Variants in NAA11 observed in about 807,000 individuals in gnomAD.
NAA11 encodes N-alpha-acetyltransferase 11, NatA catalytic subunit.
Under a neutral mutation model 16.1 loss-of-function variants are expected in NAA11, and 15 were observed. The ratio of observed to expected loss-of-function variants is 0.93; its 90% CI spans 0.62 to 1.44. The LOEUF is 1.44. Ranked by LOEUF, NAA11 falls within the 40% of genes most tolerant of loss-of-function variation. NAA11 has a pLI of 0.00. For missense variants in NAA11, 298 were observed against 291.3 expected (o/e 1.02, Z -0.17); for synonymous variants, 122 against 112.4 (o/e 1.09, Z -0.54).
the NAA11 span, among the ~76,000 whole-genome samples, chr4:79,215,558 A>C: frequency 6.6e-6 from 1 of 152,338 alleles, no homozygotes; most frequent in Middle Eastern, 3.4e-3. Flanking sequence ...ACCATGAAAA[A>C]GTAAGACTCT....
chr4:79,254,663 TTTTTC>T (rs1722065995), intron 2 of NAA11, among the ~76,000 whole-genome samples: 1 of 150,780 alleles, frequency 6.6e-6, no homozygotes, highest in Non-Finnish European at 1.5e-5. Flanking sequence ...TTTTTTTACT[TTTTTC>T]TTTTAGTTAA....
At chr4:79,320,912 T>C (rs1724069988) in intron 1 of NAA11, among the ~76,000 whole-genome samples, 1 of 152,250 alleles carries the variant, frequency 6.6e-6, no homozygotes, top group Non-Finnish European at 1.5e-5. Context: ...CTGTTCTTTC[T>C]TTCTTCACTG....
chr4:79,177,045 A>C, the NAA11 span, among the ~76,000 whole-genome samples: 1 of 152,164 alleles, frequency 6.6e-6, no homozygotes, highest in Non-Finnish European at 1.5e-5. Flanking sequence ...TTTAATGTTT[A>C]TCTTGAAGTA....
At chr4:79,217,492 A>G in the NAA11 span, among the ~76,000 whole-genome samples, 1 of 152,188 alleles carries the variant, frequency 6.6e-6, no homozygotes, top group Admixed American at 6.6e-5. Context: ...TGAACAAAAA[A>G]TCAAGGTTTA....
At chr4:79,319,816 G>C (rs1724038647) in intron 1 of NAA11, among the ~76,000 whole-genome samples, 1 of 152,172 alleles carries the variant, frequency 6.6e-6, no homozygotes, top group South Asian at 2.1e-4. Context: ...GAATTTACCA[G>C]ACCTGTCAGT....
At chr4:79,230,451 A>T (rs1480089871) in intron 2 of NAA11, among the ~76,000 whole-genome samples, 1 of 151,866 alleles carries the variant, frequency 6.6e-6, no homozygotes, top group Non-Finnish European at 1.5e-5. Flanking sequence ...AAAAGATTTT[A>T]TATAAAGTCT....
At chr4:79,294,031 C>T (rs1723153903) in exon 2 of NAA11, 1 of 152,608 alleles carries the variant, frequency 6.6e-6, no homozygotes, top group Non-Finnish European at 1.5e-5. Context: ...GATGATGCAG[C>T]AAGAAGGCCC....
chr4:79,289,823 T>C (rs1723039499), intron 2 of NAA11, among the ~76,000 whole-genome samples: 1 of 152,164 alleles, frequency 6.6e-6, no homozygotes. Context: ...ATTGAAGATA[T>C]CTGCTTGGAT....
the NAA11 span, among the ~76,000 whole-genome samples, chr4:79,156,313 ATGTG>A: frequency 1.2e-5 from 1 of 86,030 alleles, no homozygotes; most frequent in African/African-American, 3.8e-5. Context: ...ATGGGATGTG[ATGTG>A]TGTGTGTGTG....
chr4:79,271,908 C>A (rs554849379), intron 2 of NAA11, among the ~76,000 whole-genome samples: 1 of 151,946 alleles, frequency 6.6e-6, no homozygotes, highest in African/African-American at 2.4e-5. Context: ...TTCTCATGAT[C>A]ATTAAGCGTA....
At chr4:79,223,794 T>C (rs1721247532), downstream of NAA11, among the ~76,000 whole-genome samples, 1 of 151,912 alleles carries the variant, frequency 6.6e-6, no homozygotes, top group Non-Finnish European at 1.5e-5. Flanking sequence ...TTTGAGTACA[T>C]GAACAGTTAG....
At chr4:79,280,258 T>C (rs532664453) in intron 2 of NAA11, among the ~76,000 whole-genome samples, 3 of 24,762 alleles carry the variant, frequency 1.2e-4, no homozygotes, top group African/African-American at 1.2e-3. Context: ...GTGCCTCTTT[T>C]TGAGGCACAG....
the NAA11 span, among the ~76,000 whole-genome samples, chr4:79,210,967 A>G: frequency 6.6e-6 from 1 of 152,204 alleles, no homozygotes; most frequent in Non-Finnish European, 1.5e-5. Flanking sequence ...AGTGACTTGC[A>G]GATAGTAGTC....
chr4:79,264,330 A>C (rs576456835), intron 2 of NAA11, among the ~76,000 whole-genome samples: 1 of 152,342 alleles, frequency 6.6e-6, no homozygotes, highest in African/African-American at 2.4e-5. Context: ...CGTCTCTTGT[A>C]ACATAAATTT....
At chr4:79,224,961 A>G (rs1721278238), downstream of NAA11, among the ~76,000 whole-genome samples, 1 of 152,128 alleles carries the variant, frequency 6.6e-6, no homozygotes, top group Non-Finnish European at 1.5e-5. Flanking sequence ...ATGAAAAACA[A>G]GAAACTTCTG....
chr4:79,272,706 G>C (rs1241250771), intron 2 of NAA11, among the ~76,000 whole-genome samples: 3 of 152,128 alleles, frequency 2.0e-5, no homozygotes, highest in Non-Finnish European at 1.5e-5. Flanking sequence ...GGGGTTCATA[G>C]AAAGTAAGGT....
intron 1 of NAA11, among the ~76,000 whole-genome samples, chr4:79,297,091 A>G (rs920385381): frequency 6.6e-5 from 10 of 152,160 alleles, no homozygotes; most frequent in East Asian, 1.9e-4. Flanking sequence ...ACCTGCTCCC[A>G]GGTCCAGAGC....
the NAA11 span, among the ~76,000 whole-genome samples, chr4:79,193,245 A>T: frequency 6.6e-6 from 1 of 151,988 alleles, no homozygotes; most frequent in African/African-American, 2.4e-5. Flanking sequence ...CCCTTTTGTC[A>T]ATTTTGGCTT....
At chr4:79,161,488 T>C in the NAA11 span, among the ~76,000 whole-genome samples, 2 of 152,116 alleles carry the variant, frequency 1.3e-5, no homozygotes, top group Non-Finnish European at 2.9e-5. Flanking sequence ...TCCAAGGGTG[T>C]TTTTTGCTAT....
Sources: gnomAD v4.1 joint callset for allele counts (sites outside exome capture counted in the v4.1 genomes callset) on GRCh38, gnomAD v4.1.1 for gene constraint, MANE v1.5 for transcripts, NCBI Gene and HGNC (gene_info 2026-07-23, HGNC 2026-07-21) for gene names.